SLC45A1: variants seen among roughly 807,000 people sequenced by gnomAD.
SLC45A1 encodes the protein solute carrier family 45 member 1.
In SLC45A1, 28 loss-of-function variants were observed where a neutral mutation model predicts 57.6. The ratio of observed to expected loss-of-function variants is 0.49; its 90% CI spans 0.36 to 0.67. The LOEUF (loss-of-function observed/expected upper bound fraction) is 0.67. Among genes scored for constraint, SLC45A1 ranks in the 30% least tolerant of loss-of-function variants. The probability of loss-of-function intolerance (pLI) is 0.00; values close to 1 mark genes in which losing one functional copy is unlikely to be tolerated. For missense variants in SLC45A1, 814 were observed against 1,041.5 expected, an observed-to-expected ratio of 0.78 and a Z score of 3.01; for synonymous variants, 459 against 471.5, an observed-to-expected ratio of 0.97 and a Z score of 0.34.
chr1:8,324,786 G>T, intron 2 of SLC45A1, 60 bp downstream of exon 2: 1 of 1,451,976 alleles, frequency 6.9e-7, no homozygotes, highest in Non-Finnish European at 9.2e-7. Context: ...AAGCCTCATC[G>T]CAGTAGCCTG....
intron 6 of SLC45A1, 70 bp from the exon 7 acceptor site, chr1:8,337,746 A>T: frequency 2.1e-6 from 3 of 1,406,772 alleles, no homozygotes; most frequent in Non-Finnish European, 3.0e-6. Context: ...CAGTAGACGC[A>T]TGTTGGTTAG....
intron 1 of SLC45A1, among the ~76,000 whole-genome samples, chr1:8,320,766 C>G (rs1424886050): frequency 6.6e-6 from 1 of 151,382 alleles, no homozygotes; most frequent in East Asian, 1.9e-4. Context: ...TGAAGTTTTT[C>G]CAAACTGGGC....
intron 4 of SLC45A1, among the ~76,000 whole-genome samples, chr1:8,329,884 A>G (rs1640327430): frequency 1.3e-5 from 2 of 152,170 alleles, no homozygotes; most frequent in African/African-American, 4.8e-5. Flanking sequence ...CGGTGTCAAC[A>G]TTCGCTCCAG....
chr1:8,329,793 C>T (rs973951867), intron 4 of SLC45A1, among the ~76,000 whole-genome samples: 7 of 152,308 alleles, frequency 4.6e-5, no homozygotes, highest in African/African-American at 9.6e-5. Context: ...GACAAACACC[C>T]GCATGCACAC....
intron 1 of SLC45A1, among the ~76,000 whole-genome samples, chr1:8,321,903 G>GTGGA (rs1210033380): frequency 3.4e-5 from 5 of 148,440 alleles, no homozygotes; most frequent in Admixed American, 6.7e-5. Flanking sequence ...GGATGGGTGG[G>GTGGA]TGGATGGATG....
chr1:8,327,486 A>G lies in SLC45A1; in HGVS notation c.715+1444A>G, dbSNP rs1178641163. ...CTGCAAAGCAGTGCAGGAGTTCAGC[A>G]TGATGCTTAGTTATCAATGTACTGT... On this transcript the variant is annotated intron_variant, in intron 4 of 8. Transcript: ENST00000471889. This position sits in a 1 kb window ranked among gnomAD's most constrained non-coding sequence, Gnocchi z 4.3. 2.0e-5 allele frequency among the ~76,000 whole-genome samples: 3 copies of G among 152,298 alleles called. No individual in the cohort carries two copies. The highest frequency in any genetic ancestry group is 7.2e-5 in the African/African-American group (3 of 41,566).
rs578185922 is a variant in SLC45A1 at position 8,333,189 on chromosome 1, C to T, written c.1444-2248C>T. Reference sequence around the variant, plus strand: ...GCCTAGATGACTTCCCTGATTTAGTCGGAGGTTAACTAGAGATGGGGCTTG... The same window carrying T: ...GCCTAGATGACTTCCCTGATTTAGTTGGAGGTTAACTAGAGATGGGGCTTG... On this transcript the variant is annotated intron_variant, in intron 5 of 8. Coordinates refer to ENST00000471889, the MANE Select transcript of SLC45A1 (RefSeq NM_001080397.3). Among the ~76,000 whole-genome samples the T allele has an allele frequency of 5.3e-5, 8 of 151,842 alleles. No homozygotes were observed. In the South Asian group the frequency reaches 1.2e-3, roughly 24 times the overall value.
intron 1 of SLC45A1, among the ~76,000 whole-genome samples, chr1:8,323,902 G>A (rs566097253): frequency 1.5e-4 from 23 of 152,320 alleles, no homozygotes; most frequent in Admixed American, 5.2e-4. Flanking sequence ...CTTCCTCTCT[G>A]GTCCCCTGGG....
chr1:8,327,729 C>G lies in SLC45A1; in HGVS notation c.715+1687C>G, dbSNP rs1640245321. Among the ~76,000 whole-genome samples, 1 of 152,106 alleles carries G rather than the reference C, an allele frequency of 6.6e-6. No homozygotes were observed. The highest frequency in any genetic ancestry group is 2.1e-4 in the South Asian group (1 of 4,824). ...CAGAATAAAATGGAAGAAAAAAATT[C>G]CATTTAAAATAGCAACTGGGGCTGG... On this transcript the variant is annotated intron_variant, in intron 4 of 8. Coordinates refer to ENST00000471889, the MANE Select transcript of SLC45A1 (RefSeq NM_001080397.3). This position sits in a 1 kb window ranked among gnomAD's most constrained non-coding sequence, Gnocchi z 4.3.
intron 8 of SLC45A1, among the ~76,000 whole-genome samples, chr1:8,341,601 AT>A (rs1640820742): frequency 6.7e-6 from 1 of 149,584 alleles, no homozygotes; most frequent in Admixed American, 6.7e-5. Context: ...GAGCCACCTC[AT>A]ATTGGAGTCT....
At position 8,326,096 on chromosome 1, in the gene SLC45A1, C is replaced by A; in HGVS notation, c.715+54C>A. On this transcript the variant is annotated intron_variant, in intron 4 of 8. Transcript: ENST00000471889. The surrounding 1 kb of genome is among the most constrained non-coding windows in gnomAD (Gnocchi z 5.5). Reference sequence around the variant, plus strand: ...AATCTGCCGGGCTGCAGGCTTCAGACGTGTGGCTTTCGAGGCCCTTCCTCA... The same window carrying A: ...AATCTGCCGGGCTGCAGGCTTCAGAAGTGTGGCTTTCGAGGCCCTTCCTCA... 1 of 1,463,646 alleles carries A rather than the reference C, an allele frequency of 6.8e-7. No homozygotes were observed. Among genetic ancestry groups the A allele is most frequent in the East Asian group, 2.3e-5 (1 of 43,800 alleles). 90.7% of individuals were successfully genotyped at this position (1,463,646 alleles called of 1,614,324 possible). A position where few individuals can be genotyped will look rare whatever the true frequency, so the allele number is the denominator to read the frequency against.
chr1:8,318,131 G>T lies in SLC45A1; in HGVS notation c.-80G>T. Reference sequence around the variant, plus strand: ...GTGATGCTGCAGCAGCCGGGACCGCGGCCGGGCAGGCAGCAGCCCAGCGGG... The same window carrying T: ...GTGATGCTGCAGCAGCCGGGACCGCTGCCGGGCAGGCAGCAGCCCAGCGGG... On this transcript the variant is annotated 5_prime_UTR_variant, in exon 1 of 9. Transcript: ENST00000471889. The T allele has an allele frequency of 2.1e-6, 1 of 466,064 alleles. No individual in the cohort carries two copies. The highest frequency in any genetic ancestry group is 4.3e-5 in the South Asian group (1 of 23,404). 28.9% of individuals were successfully genotyped at this position (466,064 alleles called of 1,614,324 possible).
intron 8 of SLC45A1, among the ~76,000 whole-genome samples, chr1:8,341,141 G>C (rs1326024181): frequency 1.4e-5 from 2 of 142,128 alleles, no homozygotes; most frequent in South Asian, 4.6e-4. Context: ...GCAGTGAGCC[G>C]AGATGGCGAG....
At chr1:8,341,243 T>G (rs1358021686) in intron 8 of SLC45A1, among the ~76,000 whole-genome samples, 1 of 148,768 alleles carries the variant, frequency 6.7e-6, no homozygotes, top group East Asian at 2.0e-4. Context: ...GAATAGAAAT[T>G]TCACTTCACA....
At chr1:8,323,838 G>A (rs531989298) in intron 1 of SLC45A1, among the ~76,000 whole-genome samples, 11 of 152,140 alleles carry the variant, frequency 7.2e-5, no homozygotes, top group African/African-American at 2.2e-4. Flanking sequence ...TCCCCGCAAC[G>A]CGAGGAAGCA....
intron 1 of SLC45A1, among the ~76,000 whole-genome samples, chr1:8,323,743 G>A (rs1640105398): frequency 1.3e-5 from 2 of 152,240 alleles, no homozygotes; most frequent in Admixed American, 6.5e-5. Context: ...TAGGGAGAGT[G>A]CCCTGGCCTA....
At chr1:8,342,903 A>AAG (rs1640872565) in intron 8 of SLC45A1, among the ~76,000 whole-genome samples, 1 of 151,230 alleles carries the variant, frequency 6.6e-6, no homozygotes, top group Admixed American at 6.6e-5. Context: ...TGTCTCAAAA[A>AAG]AAAAAAAAAG....
Position 8,318,157 on chromosome 1 carries a change from G to A in SLC45A1, c.-54G>A. 3 of 448,532 alleles carry A rather than the reference G, an allele frequency of 6.7e-6. No homozygotes were observed. Among genetic ancestry groups the A allele is most frequent in the Non-Finnish European group, 1.2e-5 (3 of 245,160 alleles). The allele number at this position is 448,532 out of a possible 1,614,324, so 27.8% of individuals were successfully genotyped here. A position where few individuals can be genotyped will look rare whatever the true frequency, so the allele number is the denominator to read the frequency against. ...GCCGGGCAGGCAGCAGCCCAGCGGG[G>A]ACAGGGATGCCTGCCGTCTCCACCC... On this transcript the variant is annotated 5_prime_UTR_variant, in exon 1 of 9. Coordinates refer to ENST00000471889, the MANE Select transcript of SLC45A1 (RefSeq NM_001080397.3).
chr1:8,335,684 A>T lies in SLC45A1; in HGVS notation c.1597+94A>T. On this transcript the variant is annotated intron_variant, in intron 6 of 8. Coordinates refer to ENST00000471889, the MANE Select transcript of SLC45A1 (RefSeq NM_001080397.3). The surrounding 1 kb of genome is among the most constrained non-coding windows in gnomAD (Gnocchi z 4.1). ...AGGATGCCCCTGAGCCTCCCTTCCCAGAACCTTTCTGAGTTCACCAGCCCC... is the reference window on the plus strand; with the variant it reads ...AGGATGCCCCTGAGCCTCCCTTCCCTGAACCTTTCTGAGTTCACCAGCCCC... 7.2e-7 allele frequency: 1 copy of T among 1,382,404 alleles called. No homozygotes were observed. The highest frequency in any genetic ancestry group is 9.6e-7 in the Non-Finnish European group (1 of 1,037,434). The allele number at this position is 1,382,404 out of a possible 1,614,324, so 85.6% of individuals were successfully genotyped here.
Sources: gnomAD v4.1 joint callset for allele counts (sites outside exome capture counted in the v4.1 genomes callset) on GRCh38, gnomAD v4.1.1 for gene constraint, Gnocchi (gnomAD v3.1) non-coding constraint, MANE v1.5 for transcripts, NCBI Gene and HGNC (gene_info 2026-07-23, HGNC 2026-07-21) for gene names.